The following BMP1 variants were observed in gnomAD, a reference collection of about 807,000 sequenced individuals.
BMP1 encodes mammalian tolloid protein.
In BMP1, 63 loss-of-function variants were observed where a neutral mutation model predicts 116.8. The ratio of observed to expected loss-of-function variants is 0.54; its 90% CI spans 0.44 to 0.67. BMP1 has a LOEUF of 0.67. Among genes scored for constraint, BMP1 ranks in the 30% least tolerant of loss-of-function variants. The probability of loss-of-function intolerance (pLI) is 0.00; values close to 1 mark genes in which losing one functional copy is unlikely to be tolerated. For missense variants in BMP1, 1,183 were observed against 1,358.9 expected, an observed-to-expected ratio of 0.87 and a Z score of 2.04; for synonymous variants, 536 against 533.4, an observed-to-expected ratio of 1.00 and a Z score of -0.07.
At chr8:22,187,151 C>T (rs543230899) in intron 8 of BMP1, among the ~76,000 whole-genome samples, 7 of 151,830 alleles carry the variant, frequency 4.6e-5, no homozygotes, top group South Asian at 2.1e-4. Flanking sequence ...CCACCACACC[C>T]GGCTAATTTT....
chr8:22,176,930 A>C, intron 4 of BMP1, 31 bp from the exon 5 acceptor site: 1 of 1,482,278 alleles, frequency 6.7e-7, no homozygotes. Flanking sequence ...CCAGCTCGGG[A>C]CCGCCCCCCT....
chr8:22,205,055 A>G (rs1191633224), intron 16 of BMP1, among the ~76,000 whole-genome samples: 1 of 152,202 alleles, frequency 6.6e-6, no homozygotes, highest in African/African-American at 2.4e-5. Flanking sequence ...GAGGAGGGAC[A>G]CTTGCTCTGA....
chr8:22,199,491 G>A (rs977391269), intron 15 of BMP1: 27 of 1,084,184 alleles, frequency 2.5e-5, no homozygotes, highest in Non-Finnish European at 2.9e-5. Context: ...CTCCTGCCCC[G>A]GACACTGAAG....
In BMP1 at chr8:22,194,981, T is replaced by G. The variant is rs1477355419; in HGVS notation, c.1639+62T>G. The G allele has an allele frequency of 6.7e-6, 10 of 1,491,824 alleles. No individual in the cohort carries two copies. Among genetic ancestry groups the G allele is most frequent in the Non-Finnish European group, 8.2e-6 (9 of 1,099,824 alleles). 92.4% of individuals were successfully genotyped at this position (1,491,824 alleles called of 1,614,324 possible). A position where few individuals can be genotyped will look rare whatever the true frequency, so the allele number is the denominator to read the frequency against. ...CTCGTGACCTTCATCCCTTCTTCAC[T>G]CACTCATTCAACACGGAGACTCCAG... On this transcript the variant is annotated intron_variant, in intron 12 of 19. Transcript: ENST00000306385. The surrounding 1 kb of genome is among the most constrained non-coding windows in gnomAD (Gnocchi z 4.5).
intron 1 of BMP1, among the ~76,000 whole-genome samples, chr8:22,165,758 G>A (rs566348254): frequency 6.6e-6 from 1 of 152,280 alleles, no homozygotes; most frequent in African/African-American, 2.4e-5. Context: ...GGTGGAAGCT[G>A]CTGCCGCTGC....
intron 18 of BMP1, 33 bp from the exon 19 acceptor site, chr8:22,209,412 T>C (rs751732389): frequency 5.0e-6 from 8 of 1,609,598 alleles, no homozygotes; most frequent in Non-Finnish European, 6.8e-6. Context: ...CCTGCGGTGC[T>C]CAGGGCTGGT....
At chr8:22,196,523 T>A in intron 13 of BMP1, 157 bp from the exon 14 acceptor site, 1 of 1,117,432 alleles carries the variant, frequency 8.9e-7, no homozygotes, top group African/African-American at 1.6e-5. Flanking sequence ...CCACCCTGCC[T>A]CCTCCCGTCC....
rs10687529 is a variant in BMP1, at chr8:22,183,591, A to AATTATTATTATTATT, written c.1077+3127_1077+3141dup. Among the ~76,000 whole-genome samples, 530 of 146,980 alleles carry AATTATTATTATTATT rather than the reference A, an allele frequency of 3.6e-3. 6 individuals carry two copies. The highest frequency in any genetic ancestry group is 0.013 in the African/African-American group (503 of 39,548). ...TATTTGATTGAGCAGGTATGTGTTA[A>AATTATTATTATTATT]ATTATTATTATTATTATTATTATTA... On this transcript the variant is annotated intron_variant, in intron 8 of 19. Coordinates refer to ENST00000306385, the MANE Select transcript of BMP1 (RefSeq NM_006129.5).
chr8:22,181,552 CT>C (rs113535839), intron 8 of BMP1, among the ~76,000 whole-genome samples: 7,611 of 143,444 alleles, frequency 0.053, 619 homozygotes, highest in African/African-American at 0.18. Flanking sequence ...CTAGCCAGCT[CT>C]TTTTTTTTTT....
At chr8:22,167,272 G>A (rs1563233244) in intron 1 of BMP1, among the ~76,000 whole-genome samples, 1 of 152,142 alleles carries the variant, frequency 6.6e-6, no homozygotes, top group African/African-American at 2.4e-5. Flanking sequence ...GTACAAGCTA[G>A]GACCCTGCCT....
chr8:22,186,682 G>A (rs769151490), intron 8 of BMP1, among the ~76,000 whole-genome samples: 9 of 151,836 alleles, frequency 5.9e-5, no homozygotes, highest in Non-Finnish European at 7.4e-5. Flanking sequence ...GGCCAGTCTC[G>A]TCTTGAACTC....
intron 1 of BMP1, among the ~76,000 whole-genome samples, chr8:22,168,867 G>T (rs1193704686): frequency 6.6e-6 from 1 of 152,164 alleles, no homozygotes; most frequent in Non-Finnish European, 1.5e-5. Flanking sequence ...TCCCCAGGAA[G>T]AAGGGATTCT....
In BMP1 at chr8:22,177,118, G is replaced by C. The variant is rs766665966; in HGVS notation, c.709G>C (p.Val237Leu). The C allele has an allele frequency of 2.5e-6, 4 of 1,608,816 alleles. No individual in the cohort carries two copies. The highest frequency in any genetic ancestry group is 1.7e-5 in the Admixed American group (1 of 59,694). The change falls in exon 5 of 20, where the codon GTT becomes CTT. Residue 237 changes from valine to leucine, a missense_variant. By Grantham distance (32) the Val-to-Leu change is conservative. Transcript: ENST00000306385. ...RPDRDRHVSI[V>L]RENIQPGQEY... Reference sequence around the variant, plus strand: ...AGACCGGGACCGCCACGTTTCCATCGTTCGTGAGAACATCCAGCCAGGTAG... The same window carrying C: ...AGACCGGGACCGCCACGTTTCCATCCTTCGTGAGAACATCCAGCCAGGTAG...
At position 22,179,617 on chromosome 8, in the gene BMP1, G is replaced by A. The variant is rs1032006142; in HGVS notation, c.837-88G>A. On this transcript the variant is annotated intron_variant, in intron 6 of 19. Coordinates refer to ENST00000306385, the MANE Select transcript of BMP1 (RefSeq NM_006129.5). This position sits in a 1 kb window ranked among gnomAD's most constrained non-coding sequence, Gnocchi z 4.6. ...GGAATGTCTGAGCTCCAGCAGGGTC[G>A]TGACTTGTGGGTACAGATGGGCATG... 21 of 1,597,804 alleles carry A rather than the reference G, an allele frequency of 1.3e-5. No homozygotes were observed. The highest frequency in any genetic ancestry group is 2.3e-5 in the East Asian group (1 of 43,992).
chr8:22,174,469 T>A (rs748336572), intron 2 of BMP1, among the ~76,000 whole-genome samples: 1 of 152,122 alleles, frequency 6.6e-6, no homozygotes, highest in Non-Finnish European at 1.5e-5. Flanking sequence ...GATGAGGGCC[T>A]GGGCTGTGTC....
At chr8:22,196,045 AC>A (rs1196439611) in intron 13 of BMP1, 1 of 371,236 alleles carries the variant, frequency 2.7e-6, no homozygotes, top group Non-Finnish European at 5.3e-6. Context: ...TCACATTGCA[AC>A]CCCGAGAACA....
At chr8:22,189,297 C>G (rs983514314) in intron 8 of BMP1, among the ~76,000 whole-genome samples, 1 of 151,830 alleles carries the variant, frequency 6.6e-6, no homozygotes, top group African/African-American at 2.4e-5. Context: ...TGCAACATAC[C>G]TTGCACTCAG....
In BMP1 at chr8:22,209,558, G is replaced by A. The variant is rs747815404; in HGVS notation, c.2689G>A (p.Glu897Lys). ...GGACTGTGAGTGGGTCATTGTGGCCGAGGAAGGCTACGGCGTGGAGCTCGT... is the reference window on the plus strand; with the variant it reads ...GGACTGTGAGTGGGTCATTGTGGCCAAGGAAGGCTACGGCGTGGAGCTCGT... ...GVDCEWVIVA[E>K]EGYGVELVFQ... Residue 897 changes from glutamate (E) to lysine (K), a missense_variant, in exon 19 of 20, where the codon GAG becomes AAG. Transcript: ENST00000306385. 24 of 1,614,112 alleles carry A rather than the reference G, an allele frequency of 1.5e-5. No individual in the cohort carries two copies. The highest frequency in any genetic ancestry group is 2.2e-5 in the South Asian group (2 of 91,088).
chr8:22,192,006 A>G (rs774419621), intron 8 of BMP1, 43 bp from the exon 9 acceptor site: 10 of 1,533,002 alleles, frequency 6.5e-6, no homozygotes, highest in Middle Eastern at 1.8e-4. Flanking sequence ...GGCTGGTGCA[A>G]TGTTCGGGAC....
Sources: gnomAD v4.1 joint callset for allele counts (sites outside exome capture counted in the v4.1 genomes callset) on GRCh38, gnomAD v4.1.1 for gene constraint, Gnocchi (gnomAD v3.1) non-coding constraint, MANE v1.5 for transcripts, NCBI Gene and HGNC (gene_info 2026-07-23, HGNC 2026-07-21) for gene names.